NRXN1: variants seen among roughly 807,000 people sequenced by gnomAD.
The protein encoded by NRXN1 is neurexin 1, also known as neurexin-1.
Under a neutral mutation model 150.9 loss-of-function variants are expected in NRXN1, and 39 were observed. That is an observed-to-expected ratio of 0.26 (90% confidence interval 0.20 to 0.34). NRXN1 has a LOEUF of 0.34. NRXN1 is among the 10% of genes least tolerant of loss of function. The pLI, the probability that NRXN1 is intolerant of heterozygous loss-of-function variation, is 1.00. For missense variants in NRXN1, 1,815 were observed against 1,949.9 expected (o/e 0.93, Z 1.30); for synonymous variants, 924 against 757.0 (o/e 1.22, Z -3.62).
intron 16 of NRXN1, among the ~76,000 whole-genome samples, chr2:50,466,258 A>G (rs953478034): frequency 1.3e-5 from 2 of 151,884 alleles, no homozygotes; most frequent in Non-Finnish European, 2.9e-5. Flanking sequence ...AAAGGCAATC[A>G]CTATACAAAC....
intron 5 of NRXN1, among the ~76,000 whole-genome samples, chr2:50,818,116 A>C (rs1669189379): frequency 8.2e-6 from 1 of 121,344 alleles, no homozygotes; most frequent in Non-Finnish European, 1.8e-5. Context: ...CTCCATAGCA[A>C]AAAAAAAAAA....
rs758352860 is a variant in NRXN1 at position 50,531,232 on chromosome 2, T to C, written c.2342A>G (p.Asn781Ser). The C allele has an allele frequency of 1.2e-6, 2 of 1,612,490 alleles. No homozygotes were observed. Among genetic ancestry groups the C allele is most frequent in the Non-Finnish European group, 8.5e-7 (1 of 1,179,312 alleles). ...GGGGGAAGGCAGGTTGTTACCTAGA[T>C]TGACCGTCAGTTTCACACGTCCTGC... ...LDAGRVKLTV[N>S]LDCIRINCNS... is the part of the protein sequence containing the mutation. Residue 781 changes from asparagine (N) to serine (S), a missense_variant, in exon 11 of 23, where the codon AAT becomes AGT. Around this residue, in one of 6 missense-constraint regions of NRXN1, gnomAD observed 638 missense variants for 652.6 expected, o/e 0.98. Coordinates refer to ENST00000401669, the MANE Select transcript of NRXN1 (RefSeq NM_001330078.2).
chr2:50,033,552 T>G (rs1689504417), intron 21 of NRXN1, among the ~76,000 whole-genome samples: 1 of 151,904 alleles, frequency 6.6e-6, no homozygotes, highest in South Asian at 2.1e-4. Flanking sequence ...AATACCATTC[T>G]CGACATAGGA....
chr2:50,978,267 T>G (rs993425073), intron 2 of NRXN1, among the ~76,000 whole-genome samples: 1 of 48,512 alleles, frequency 2.1e-5, no homozygotes, highest in African/African-American at 7.9e-5. Context: ...ATATGGATAT[T>G]ATACATATAT....
chr2:50,835,392 C>T (rs1216345830), intron 5 of NRXN1, among the ~76,000 whole-genome samples: 2 of 151,994 alleles, frequency 1.3e-5, no homozygotes, highest in African/African-American at 2.4e-5. Flanking sequence ...GTTGCTTTTC[C>T]AACAATAAGA....
chr2:50,122,746 G>A (rs1704040445), intron 18 of NRXN1, among the ~76,000 whole-genome samples: 1 of 152,306 alleles, frequency 6.6e-6, no homozygotes, highest in South Asian at 2.1e-4. Context: ...ATGGGAACGA[G>A]TGTATTCTTG....
intron 18 of NRXN1, among the ~76,000 whole-genome samples, chr2:50,142,208 T>C (rs573884053): frequency 1.3e-5 from 2 of 151,944 alleles, no homozygotes; most frequent in Admixed American, 6.6e-5. Context: ...TAGGCACAGA[T>C]AGACAAATAT....
chr2:50,426,153 T>C (rs1333861539), intron 17 of NRXN1, among the ~76,000 whole-genome samples: 1 of 152,238 alleles, frequency 6.6e-6, no homozygotes, highest in Non-Finnish European at 1.5e-5. Flanking sequence ...TAAACTATCA[T>C]GTGGAAACTT....
intron 5 of NRXN1, among the ~76,000 whole-genome samples, chr2:50,698,194 G>A (rs1005498228): frequency 2.6e-5 from 4 of 152,228 alleles, no homozygotes; most frequent in South Asian, 2.1e-4. Context: ...GTGCTCAGTA[G>A]ATATTCGTTG....
chr2:50,092,190 G>A (rs116748071), intron 18 of NRXN1, among the ~76,000 whole-genome samples: 3,591 of 152,204 alleles, frequency 0.024, 73 homozygotes, highest in Non-Finnish European at 0.035. Flanking sequence ...CAAAGATACC[G>A]TTATCCAAAA....
chr2:50,055,166 A>G (rs929032484), intron 19 of NRXN1, 122 bp from the exon 20 acceptor site: 2 of 617,282 alleles, frequency 3.2e-6, no homozygotes, highest in East Asian at 6.8e-5. Context: ...AATTTTAAAA[A>G]GTTCTACCTA....
chr2:50,330,620 C>T (rs1474345819), intron 17 of NRXN1, among the ~76,000 whole-genome samples: 1 of 152,108 alleles, frequency 6.6e-6, no homozygotes. Context: ...AAACTGTCAG[C>T]TTAATGGTGC....
chr2:50,446,348 T>C (rs917298909), intron 17 of NRXN1, among the ~76,000 whole-genome samples: 1 of 147,192 alleles, frequency 6.8e-6, no homozygotes, highest in Non-Finnish European at 1.5e-5. Flanking sequence ...CTTCCCCCAG[T>C]CCCTTCCTCC....
rs572724745 is a variant in NRXN1, at chr2:50,376,563, T to C, written c.3364+88879A>G. Among the ~76,000 whole-genome samples the C allele has an allele frequency of 9.2e-5, 14 of 152,264 alleles. No individual in the cohort carries two copies. The East Asian group carries it at 2.5e-3, about 27-fold the overall frequency. ...AGTCAAAACATGTTTTTCTATCTTG[T>C]GTTGCTCAGAAAGGTATGAGCAAAT... On this transcript the variant is annotated intron_variant, in intron 17 of 22. Coordinates refer to ENST00000401669, the MANE Select transcript of NRXN1 (RefSeq NM_001330078.2).
At chr2:50,034,560 G>T (rs140047425) in intron 21 of NRXN1, among the ~76,000 whole-genome samples, 69 of 151,948 alleles carry the variant, frequency 4.5e-4, no homozygotes, top group African/African-American at 1.6e-3. Context: ...TTAATACCTG[G>T]GTGACAAAAT....
intron 8 of NRXN1, among the ~76,000 whole-genome samples, chr2:50,589,805 G>A (rs532957270): frequency 1.4e-4 from 22 of 151,978 alleles, no homozygotes; most frequent in African/African-American, 5.3e-4. Flanking sequence ...GACAAGATTG[G>A]CACTGGAACT....
chr2:51,012,599 T>C (rs942934459), intron 2 of NRXN1, among the ~76,000 whole-genome samples: 1 of 152,036 alleles, frequency 6.6e-6, no homozygotes, highest in African/African-American at 2.4e-5. Flanking sequence ...AGCCCTTTAT[T>C]TGTGCTGTCA....
chr2:50,241,086 T>A (rs1309270255), intron 17 of NRXN1, among the ~76,000 whole-genome samples: 2 of 151,628 alleles, frequency 1.3e-5, no homozygotes, highest in East Asian at 3.9e-4. Flanking sequence ...ACTCATTATA[T>A]CATTATTTAT....
intron 12 of NRXN1, among the ~76,000 whole-genome samples, chr2:50,511,499 C>T (rs2092450771): frequency 6.6e-6 from 1 of 152,222 alleles, no homozygotes; most frequent in South Asian, 2.1e-4. Flanking sequence ...TATGGTACAA[C>T]AGCCAAATTT....
Sources: gnomAD v4.1 joint callset for allele counts (sites outside exome capture counted in the v4.1 genomes callset) on GRCh38, gnomAD v4.1.1 for gene constraint, gnomAD v4.1.1 regional missense constraint, MANE v1.5 for transcripts, NCBI Gene and HGNC (gene_info 2026-07-23, HGNC 2026-07-21) for gene names.